CDKN3: variants seen among roughly 807,000 people sequenced by gnomAD.
The protein encoded by CDKN3 is cyclin dependent kinase inhibitor 3, also known as cyclin-dependent kinase inhibitor 3.
In CDKN3, 19 loss-of-function variants were observed where a neutral mutation model predicts 36.1. The ratio of observed to expected loss-of-function variants is 0.53; its 90% CI spans 0.37 to 0.77. The LOEUF is 0.77. Among genes scored for constraint, CDKN3 ranks in the 30% least tolerant of loss-of-function variants. The pLI is 0.00. For missense variants in CDKN3, 188 were observed against 248.6 expected, an observed-to-expected ratio of 0.76 and a Z score of 1.64; for synonymous variants, 71 against 85.3, an observed-to-expected ratio of 0.83 and a Z score of 0.92.
intron 5 of CDKN3, chr14:54,412,809 C>T (rs1308803390): frequency 2.0e-6 from 1 of 489,068 alleles, no homozygotes; most frequent in Non-Finnish European, 4.1e-6. Context: ...ATTTCATATT[C>T]TAATAACCTG....
chr14:54,414,175 A>G (rs555117132), intron 5 of CDKN3: 2 of 153,748 alleles, frequency 1.3e-5, no homozygotes, highest in East Asian at 3.9e-4. Context: ...TATACCTGCA[A>G]AGACTCAAAT....
In CDKN3 at chr14:54,417,895, C is replaced by G; in HGVS notation, c.496C>G (p.Gln166Glu). Residue 166 changes from glutamine (Q) to glutamate (E), a missense_variant, in exon 7 of 8, where the codon CAA becomes GAA. Gln to Glu is a conservative substitution (Grantham distance 29, BLOSUM62 2). Transcript: ENST00000335183. ...LYLSDTISPE[Q>E]AIDSLRDLRG... ...CCTGTCTGACACAATATCACCAGAG[C>G]AAGCCATAGACAGCCTGCGAGACCT... The G allele has an allele frequency of 1.3e-6, 2 of 1,598,666 alleles. No homozygotes were observed. Among genetic ancestry groups the G allele is most frequent in the Non-Finnish European group, 1.7e-6 (2 of 1,172,470 alleles).
chr14:54,404,812 A>G (rs2030095069), intron 3 of CDKN3, among the ~76,000 whole-genome samples: 1 of 136,552 alleles, frequency 7.3e-6, no homozygotes, highest in Non-Finnish European at 1.5e-5. Context: ...TCCTGACCTC[A>G]TGATCCATCC....
chr14:54,418,492 T>C (rs2030622206), intron 7 of CDKN3: 1 of 529,980 alleles, frequency 1.9e-6, no homozygotes, highest in Admixed American at 3.5e-5. Context: ...TTCAAAACAC[T>C]GCACTAGCAA....
At position 54,401,568 on chromosome 14, in the gene CDKN3, G is replaced by T. The variant is rs1181842878; in HGVS notation, c.137G>T (p.Cys46Phe). The part of the protein sequence containing the change: ...RVNCSQFLGL[C>F]ALPGCKFKDV... ...AATTGTTCTCAGTTTCTCGGTTTATGTGCTCTTCCAGGTGGGTAACACAAT... is the reference window on the plus strand; with the variant it reads ...AATTGTTCTCAGTTTCTCGGTTTATTTGCTCTTCCAGGTGGGTAACACAAT... The change falls in exon 3 of 8, where the codon TGT becomes TTT. Residue 46 changes from cysteine to phenylalanine, a missense_variant. By Grantham distance (205) the Cys-to-Phe change is radical. Transcript: ENST00000335183. 1 of 1,607,750 alleles carries T rather than the reference G, an allele frequency of 6.2e-7. No homozygotes were observed. Among genetic ancestry groups the T allele is most frequent in the South Asian group, 1.1e-5 (1 of 90,226 alleles).
intron 3 of CDKN3, among the ~76,000 whole-genome samples, chr14:54,407,043 C>T (rs1236450163): frequency 2.6e-5 from 4 of 152,074 alleles, no homozygotes; most frequent in African/African-American, 4.8e-5. Context: ...GCGTCCTTTC[C>T]GTTGATGTTG....
chr14:54,408,828 T>A, intron 4 of CDKN3, 39 bp downstream of exon 4: 1 of 1,517,354 alleles, frequency 6.6e-7, no homozygotes, highest in Non-Finnish European at 8.8e-7. Flanking sequence ...ATGGGTTTTT[T>A]AAATGAATAG....
At chr14:54,404,931 GCT>G (rs771585757) in intron 3 of CDKN3, among the ~76,000 whole-genome samples, 2 of 152,116 alleles carry the variant, frequency 1.3e-5, no homozygotes, top group Non-Finnish European at 2.9e-5. Context: ...GTTTGCTCTT[GCT>G]TCTCTAGTTC....
At chr14:54,410,888 G>A (rs1225828730) in intron 4 of CDKN3, among the ~76,000 whole-genome samples, 2 of 152,036 alleles carry the variant, frequency 1.3e-5, no homozygotes, top group African/African-American at 2.4e-5. Context: ...TGTTTTAAGA[G>A]TTATTTTATG....
Position 54,411,558 on chromosome 14 carries a change from C to A in CDKN3, c.268C>A (p.Pro90Thr). The A allele has an allele frequency of 6.2e-7, 1 of 1,614,044 alleles. No homozygotes were observed. Among genetic ancestry groups the A allele is most frequent in the Non-Finnish European group, 8.5e-7 (1 of 1,180,018 alleles). Residue 90 changes from proline (P) to threonine (T), a missense_variant, in exon 5 of 8, where the codon CCA (proline) becomes ACA (threonine). By Grantham distance (38) the Pro-to-Thr change is conservative. Transcript: ENST00000335183. ...AGGGGAACTGTCAAAATATAGAGTCCCAAACCTTCTGGATCTCTACCAGCA... is the reference window on the plus strand; with the variant it reads ...AGGGGAACTGTCAAAATATAGAGTCACAAACCTTCTGGATCTCTACCAGCA... ...TRGELSKYRV[P>T]NLLDLYQQCG...
At chr14:54,398,846 A>G (rs1031366435) in intron 1 of CDKN3, among the ~76,000 whole-genome samples, 12 of 152,196 alleles carry the variant, frequency 7.9e-5, no homozygotes, top group African/African-American at 2.7e-4. Context: ...CCACCAAACT[A>G]CTAGGCCATG....
chr14:54,402,299 CAT>C (rs1491097218), intron 3 of CDKN3, among the ~76,000 whole-genome samples: 18 of 116,436 alleles, frequency 1.5e-4, no homozygotes, highest in African/African-American at 5.7e-4. Context: ...TATTCCATGG[CAT>C]GTGTGTGCGT....
chr14:54,398,987 C>CTTTTTTTTTTTTTTTTTTT (rs113342693), intron 1 of CDKN3, among the ~76,000 whole-genome samples: 2 of 109,276 alleles, frequency 1.8e-5, no homozygotes, highest in African/African-American at 3.5e-5. Flanking sequence ...TTTCTTCTTC[C>CTTTTTTTTTTTTTTTTTTT]TTTTTTTTTT....
At chr14:54,415,697 G>A (rs529415632) in intron 5 of CDKN3, among the ~76,000 whole-genome samples, 212 of 152,336 alleles carry the variant, frequency 1.4e-3, no homozygotes, top group Non-Finnish European at 2.4e-3. Context: ...TTGATGCTTA[G>A]AGGTGTTCAG....
At chr14:54,408,674 TAA>T in intron 3 of CDKN3, 69 bp from the exon 4 acceptor site, 1 of 1,462,902 alleles carries the variant, frequency 6.8e-7, no homozygotes, top group Non-Finnish European at 9.2e-7. Context: ...AGTAGCTATA[TAA>T]GTGTTTAAAC....
At chr14:54,413,466 G>T in intron 5 of CDKN3, 1 of 601,996 alleles carries the variant, frequency 1.7e-6, no homozygotes, top group South Asian at 2.2e-5. Flanking sequence ...TACTGTAGCT[G>T]GTTCTGGCAA....
intron 5 of CDKN3, among the ~76,000 whole-genome samples, chr14:54,414,807 C>T (rs904553356): frequency 1.3e-5 from 2 of 151,576 alleles, no homozygotes; most frequent in Non-Finnish European, 2.9e-5. Context: ...CCTTGGCCTC[C>T]CAAAGTGCTG....
At chr14:54,406,739 C>G (rs1246989050) in intron 3 of CDKN3, among the ~76,000 whole-genome samples, 1 of 151,944 alleles carries the variant, frequency 6.6e-6, no homozygotes, top group Non-Finnish European at 1.5e-5. Context: ...AGCAGTTCCT[C>G]TAACCTTTTA....
intron 4 of CDKN3, among the ~76,000 whole-genome samples, chr14:54,409,856 C>T (rs1033347224): frequency 4.7e-5 from 7 of 148,868 alleles, no homozygotes; most frequent in East Asian, 4.0e-4. Flanking sequence ...TGCATTACTG[C>T]ACTCCAACCT....
Sources: gnomAD v4.1 joint callset for allele counts (sites outside exome capture counted in the v4.1 genomes callset) on GRCh38, gnomAD v4.1.1 for gene constraint, MANE v1.5 for transcripts, NCBI Gene and HGNC (gene_info 2026-07-23, HGNC 2026-07-21) for gene names.